The following WDR7 variants were observed in gnomAD, a reference collection of about 807,000 sequenced individuals.
WDR7 encodes WD repeat domain 7, also known as WD repeat-containing protein 7.
Under a neutral mutation model 169.4 loss-of-function variants are expected in WDR7, and 46 were observed. The ratio of observed to expected loss-of-function variants is 0.27; its 90% CI spans 0.21 to 0.35. The LOEUF is 0.35. Ranked by LOEUF, WDR7 falls within the 10% of genes least tolerant of loss-of-function variation. The pLI is 1.00. For synonymous variants in WDR7, 612 were observed against 666.8 expected, an observed-to-expected ratio of 0.92 and a Z score of 1.27; for missense variants, 1,534 against 1,859.3, an observed-to-expected ratio of 0.83 and a Z score of 3.22.
chr18:56,874,040 G>C (rs556689433), intron 20 of WDR7: 1 of 152,328 alleles, frequency 6.6e-6, no homozygotes, highest in African/African-American at 2.4e-5. Context: ...GCTGAGACAT[G>C]GGGGAGGGGA....
intron 1 of WDR7, among the ~76,000 whole-genome samples, chr18:56,670,420 GA>G (rs2025108544): frequency 6.6e-6 from 1 of 152,192 alleles, no homozygotes; most frequent in African/African-American, 2.4e-5. Context: ...ACTAGCTAGA[GA>G]AATGGTGTTC....
At chr18:56,880,629 T>G (rs2046093614) in intron 21 of WDR7, among the ~76,000 whole-genome samples, 2 of 152,202 alleles carry the variant, frequency 1.3e-5, no homozygotes, top group Non-Finnish European at 2.9e-5. Flanking sequence ...ATGGGCATAT[T>G]AATAAATTTG....
At chr18:56,763,918 T>C (rs1403958396) in intron 16 of WDR7, among the ~76,000 whole-genome samples, 1 of 152,160 alleles carries the variant, frequency 6.6e-6, no homozygotes, top group Non-Finnish European at 1.5e-5. Flanking sequence ...CTTTCATTTC[T>C]GTTATTCATA....
chr18:56,833,882 G>A (rs1254482422), intron 20 of WDR7, among the ~76,000 whole-genome samples: 1 of 152,262 alleles, frequency 6.6e-6, no homozygotes, highest in East Asian at 1.9e-4. Flanking sequence ...CACAAATGTA[G>A]TTTAAAATAC....
intron 19 of WDR7, among the ~76,000 whole-genome samples, chr18:56,802,518 G>A (rs976349469): frequency 5.6e-4 from 55 of 98,676 alleles, no homozygotes; most frequent in Non-Finnish European, 8.4e-4. Context: ...CCGCCACACC[G>A]GCTAATTTTT....
chr18:56,938,603 G>T lies in WDR7; in HGVS notation c.3902G>T (p.Arg1301Leu), dbSNP rs773431718. ...AATATGCACACAACAACTCTTGCAC[G>T]AGCTAAAGGGGAAATTTTGAGAGTC... is the stretch of plus-strand genomic sequence containing the variant. The part of the protein sequence containing the change: ...QQNMHTTTLA[R>L]AKGEILRVIE... Residue 1301 changes from arginine (R) to leucine (L), a missense_variant, in exon 24 of 28, where the codon CGA (arginine) becomes CTA (leucine). Coordinates refer to ENST00000254442, the MANE Select transcript of WDR7 (RefSeq NM_015285.3). The T allele has an allele frequency of 6.2e-7, 1 of 1,613,382 alleles. No individual in the cohort carries two copies. Among genetic ancestry groups the T allele is most frequent in the East Asian group, 2.2e-5 (1 of 44,840 alleles).
At chr18:56,687,716 T>C (rs1160459385) in intron 7 of WDR7, among the ~76,000 whole-genome samples, 1 of 152,182 alleles carries the variant, frequency 6.6e-6, no homozygotes, top group Non-Finnish European at 1.5e-5. Flanking sequence ...AGCCTTGAAC[T>C]CCTGGCCTCA....
At chr18:56,917,231 G>A (rs2145621595) in intron 21 of WDR7, among the ~76,000 whole-genome samples, 1 of 152,146 alleles carries the variant, frequency 6.6e-6, no homozygotes, top group South Asian at 2.1e-4. Flanking sequence ...TGTGTCTGTT[G>A]TGTATGTGCT....
intron 19 of WDR7, among the ~76,000 whole-genome samples, chr18:56,791,677 G>A (rs1328196835): frequency 2.6e-5 from 4 of 152,020 alleles, no homozygotes; most frequent in African/African-American, 9.7e-5. Context: ...GTTTACTTAG[G>A]GTTTAAAGTA....
chr18:56,673,942 A>C (rs896586269), intron 2 of WDR7, among the ~76,000 whole-genome samples: 2 of 152,214 alleles, frequency 1.3e-5, no homozygotes, highest in Non-Finnish European at 2.9e-5. Context: ...ATATAACTAT[A>C]ATATGTGTTT....
chr18:56,915,252 G>A (rs2046609455), intron 21 of WDR7, among the ~76,000 whole-genome samples: 1 of 152,142 alleles, frequency 6.6e-6, no homozygotes, highest in East Asian at 1.9e-4. Flanking sequence ...TCAAGGATGT[G>A]TATAAAGCAA....
At chr18:56,937,899 A>G (rs2046981300) in intron 23 of WDR7, among the ~76,000 whole-genome samples, 1 of 152,228 alleles carries the variant, frequency 6.6e-6, no homozygotes, top group South Asian at 2.1e-4. Context: ...TTTGTATGTT[A>G]TATATATTAT....
intron 20 of WDR7, among the ~76,000 whole-genome samples, chr18:56,857,862 A>G (rs1030859602): frequency 1.3e-5 from 2 of 151,952 alleles, no homozygotes; most frequent in Non-Finnish European, 2.9e-5. Flanking sequence ...GAGGTTTGTC[A>G]CTCTAAGAAA....
chr18:56,825,718 T>C (rs1377777626), intron 20 of WDR7, among the ~76,000 whole-genome samples: 3 of 152,188 alleles, frequency 2.0e-5, no homozygotes. Context: ...TATATAGAAA[T>C]TTCTATTTTA....
intron 20 of WDR7, among the ~76,000 whole-genome samples, chr18:56,861,249 G>A (rs2045800712): frequency 6.6e-6 from 1 of 152,126 alleles, no homozygotes; most frequent in Non-Finnish European, 1.5e-5. Context: ...TTTCATGCCG[G>A]CGTGTGAGCC....
At chr18:56,655,831 A>G (rs555759860) in intron 1 of WDR7, among the ~76,000 whole-genome samples, 69 of 152,190 alleles carry the variant, frequency 4.5e-4, no homozygotes, top group Non-Finnish European at 8.8e-4. Context: ...ATTGAGATTC[A>G]TCCAAATTGT....
intron 19 of WDR7, among the ~76,000 whole-genome samples, chr18:56,790,644 T>C (rs1568196208): frequency 1.3e-5 from 2 of 152,048 alleles, no homozygotes; most frequent in South Asian, 2.1e-4. Context: ...TCTTCCTGCT[T>C]TTTTTTGTGG....
intron 14 of WDR7, among the ~76,000 whole-genome samples, chr18:56,739,098 A>G (rs949895612): frequency 6.7e-6 from 1 of 150,374 alleles, no homozygotes; most frequent in African/African-American, 2.4e-5. Flanking sequence ...AATCCCTGCT[A>G]CTCTATCTCT....
chr18:56,717,709 A>T (rs374472418), intron 12 of WDR7, among the ~76,000 whole-genome samples: 65 of 152,304 alleles, frequency 4.3e-4, no homozygotes, highest in Middle Eastern at 3.4e-3. Flanking sequence ...GTCATCTTTA[A>T]ATTTGAACAG....
Sources: gnomAD v4.1 joint callset for allele counts (sites outside exome capture counted in the v4.1 genomes callset) on GRCh38, gnomAD v4.1.1 for gene constraint, MANE v1.5 for transcripts, NCBI Gene and HGNC (gene_info 2026-07-23, HGNC 2026-07-21) for gene names.